FAM228B: variants seen among roughly 807,000 people sequenced by gnomAD.
FAM228B encodes family with sequence similarity 228 member B, also known as protein FAM228B.
A neutral mutation model predicts 42.6 loss-of-function variants in FAM228B; 38 were observed. The observed-to-expected ratio is 0.89, with a 90% CI of 0.69 to 1.17. FAM228B has a LOEUF of 1.17. Among genes scored for constraint, FAM228B ranks in the 50% most tolerant of loss-of-function variants. FAM228B has a pLI of 0.00. For synonymous variants in FAM228B, 109 were observed against 122.3 expected (o/e 0.89, Z 0.72); for missense variants, 344 against 367.3 (o/e 0.94, Z 0.52).
Position 24,077,471 on chromosome 2 carries a change from C to T in FAM228B, c.-290+502C>T. ...TTTATTTCCTCATATCAGCTTTAAA[C>T]GGCTCTGGAGGAAGCACCGGGTTTC... is the stretch of plus-strand genomic sequence containing the variant. On this transcript the variant is annotated intron_variant, in intron 1 of 10. Coordinates refer to the FAM228B transcript ENST00000613899. The surrounding 1 kb of genome is among the most constrained non-coding windows in gnomAD (Gnocchi z 5.5). 9 of 1,298,212 alleles carry T rather than the reference C, an allele frequency of 6.9e-6. No homozygotes were observed. The highest frequency in any genetic ancestry group is 7.2e-6 in the Non-Finnish European group (7 of 971,400). 80.4% of individuals were successfully genotyped at this position (1,298,212 alleles called of 1,614,324 possible). A position where few individuals can be genotyped will look rare whatever the true frequency, so the allele number is the denominator to read the frequency against.
chr2:24,109,972 A>T (rs1665762961), intron 3 of FAM228B, among the ~76,000 whole-genome samples: 2 of 152,238 alleles, frequency 1.3e-5, no homozygotes, highest in Non-Finnish European at 2.9e-5. Context: ...TACCATAAAG[A>T]TACATCCATG....
At chr2:24,152,794 C>A (rs1438579871) in intron 7 of FAM228B, among the ~76,000 whole-genome samples, 5 of 152,142 alleles carry the variant, frequency 3.3e-5, no homozygotes, top group Non-Finnish European at 7.4e-5. Context: ...TTCCCCAGGT[C>A]CCAGGCATGT....
rs1667114484 is a variant in FAM228B at position 24,155,506 on chromosome 2, TATATATATATA to T, written c.687-5999_687-5989del. Among the ~76,000 whole-genome samples, 110 of 49,646 alleles carry T rather than the reference TATATATATATA, an allele frequency of 2.2e-3. 5 individuals carry two copies. The highest frequency in any genetic ancestry group is 7.6e-3 in the African/African-American group (106 of 13,926). The allele number at this position is 49,646 out of a possible 152,430, so 32.6% of individuals were successfully genotyped here. On this transcript the variant is annotated intron_variant, in intron 7 of 10. Transcript: ENST00000615575. ...GCCAGAAGTCATTGAAGACCATGCA[TATATATATATA>T]TATATATATATATATTTTTTTTTTT... is the stretch of plus-strand genomic sequence containing the variant.
At chr2:24,094,120 G>A (rs1232105609) in intron 2 of FAM228B, among the ~76,000 whole-genome samples, 1 of 143,212 alleles carries the variant, frequency 7.0e-6, no homozygotes, top group Non-Finnish European at 1.5e-5. Flanking sequence ...GCTTACTGCA[G>A]TGTTGACCTC....
At chr2:24,155,725 G>A (rs985563374) in intron 7 of FAM228B, among the ~76,000 whole-genome samples, 2 of 151,312 alleles carry the variant, frequency 1.3e-5, no homozygotes, top group Admixed American at 6.6e-5. Context: ...ATTTTTGTTA[G>A]AGACAGGGTT....
chr2:24,136,888 A>T lies in FAM228B; in HGVS notation c.169-1021A>T, dbSNP rs184109681. Among the ~76,000 whole-genome samples, 28 of 152,282 alleles carry T rather than the reference A, an allele frequency of 1.8e-4. No individual in the cohort carries two copies. In the East Asian group the frequency reaches 5.2e-3, roughly 28 times the overall value. On this transcript the variant is annotated intron_variant, in intron 3 of 10. Coordinates refer to ENST00000615575, the MANE Select transcript of FAM228B (RefSeq NM_001145710.2). ...TTTCCAAAACTTTTTCCTTACTCCA[A>T]ACTGACAGTTTGTATTCAATAAGCA...
At chr2:24,130,991 A>G (rs913934651) in intron 2 of FAM228B, among the ~76,000 whole-genome samples, 2 of 152,192 alleles carry the variant, frequency 1.3e-5, no homozygotes, top group Admixed American at 1.3e-4. Context: ...GAAAGGGTCC[A>G]GTTTCAGTTT....
intron 2 of FAM228B, among the ~76,000 whole-genome samples, chr2:24,083,738 C>G (rs1665121192): frequency 6.6e-6 from 1 of 152,134 alleles, no homozygotes; most frequent in African/African-American, 2.4e-5. Context: ...CTGTCAGCTC[C>G]GGGACTCTCA....
intron 2 of FAM228B, among the ~76,000 whole-genome samples, chr2:24,128,668 G>A (rs116049219): frequency 0.028 from 4,208 of 151,524 alleles, 68 homozygotes; most frequent in African/African-American, 0.05. Context: ...ACCATATTGA[G>A]TACTAGATAT....
chr2:24,111,979 A>T (rs1475408683), intron 3 of FAM228B, among the ~76,000 whole-genome samples: 1 of 152,222 alleles, frequency 6.6e-6, no homozygotes. Flanking sequence ...CTGAAATTCC[A>T]CTTCCAGACC....
intron 3 of FAM228B, among the ~76,000 whole-genome samples, chr2:24,103,344 G>A (rs1031734388): frequency 2.3e-4 from 35 of 152,144 alleles, no homozygotes; most frequent in Non-Finnish European, 3.5e-4. Flanking sequence ...GAGAACCTGG[G>A]AAAAAGGAAC....
chr2:24,112,014 G>T (rs1665804530), intron 3 of FAM228B, among the ~76,000 whole-genome samples: 1 of 152,074 alleles, frequency 6.6e-6, no homozygotes, highest in African/African-American at 2.4e-5. Context: ...GAGATACAAA[G>T]AATTATGTAA....
At position 24,137,999 on chromosome 2, in the gene FAM228B, C is replaced by G; in HGVS notation, c.259C>G (p.Pro87Ala). The G allele has an allele frequency of 6.5e-7, 1 of 1,547,814 alleles. No individual in the cohort carries two copies. Among genetic ancestry groups the G allele is most frequent in the South Asian group, 1.2e-5 (1 of 82,794 alleles). Residue 87 changes from proline to alanine, a missense_variant, in exon 4 of 11, where the codon CCT (proline) becomes GCT (alanine). Transcript: ENST00000615575. ...YKRWVDCVADPLQKKIIEKVC... is the reference protein window; with the variant it reads ...YKRWVDCVADALQKKIIEKVC... The stretch of plus-strand genomic sequence containing the variant: ...AAGATGGGTTGACTGTGTGGCAGAT[C>G]CTCTTCAGAAGAAAATTATAGAAAA...
chr2:24,164,355 C>A lies in FAM228B; in HGVS notation c.932+20C>A. On this transcript the variant is annotated intron_variant, in intron 9 of 10. Transcript: ENST00000615575. ...GGATGGGTAAGAGCTGGGGCTGTCC[C>A]ATTTCATCATACATAAGGTGGCAAT... 6.5e-7 allele frequency: 1 copy of A among 1,541,958 alleles called. No homozygotes were observed.
intron 7 of FAM228B, among the ~76,000 whole-genome samples, chr2:24,154,254 A>G (rs1667083925): frequency 6.6e-6 from 1 of 152,256 alleles, no homozygotes; most frequent in Admixed American, 6.5e-5. Flanking sequence ...TGCGGGGAAT[A>G]AAGGGTGTAA....
intron 7 of FAM228B, among the ~76,000 whole-genome samples, chr2:24,155,269 G>A (rs1667108305): frequency 6.6e-6 from 1 of 151,784 alleles, no homozygotes; most frequent in Non-Finnish European, 1.5e-5. Flanking sequence ...CACACTGTTT[G>A]TTTCCACCCT....
upstream of FAM228B, chr2:24,122,660 T>A: frequency 1.5e-6 from 1 of 687,682 alleles, no homozygotes; most frequent in Non-Finnish European, 2.5e-6. Flanking sequence ...AAGTGTACTT[T>A]GAAAAGGTAC....
intron 7 of FAM228B, among the ~76,000 whole-genome samples, chr2:24,154,953 CAG>C (rs373650938): frequency 1.5e-4 from 23 of 152,258 alleles, no homozygotes; most frequent in African/African-American, 5.5e-4. Context: ...TTACATAAGA[CAG>C]AAATAAACCT....
At chr2:24,163,851 G>A (rs1667336956) in intron 8 of FAM228B, among the ~76,000 whole-genome samples, 1 of 152,170 alleles carries the variant, frequency 6.6e-6, no homozygotes, top group Non-Finnish European at 1.5e-5. Flanking sequence ...AATAAGGGAA[G>A]CATCCCAATT....
Sources: allele counts gnomAD v4.1 joint callset (sites outside exome capture counted in the v4.1 genomes callset), GRCh38; gene constraint gnomAD v4.1.1; non-coding constraint Gnocchi (gnomAD v3.1); transcripts MANE v1.5; gene names NCBI Gene and HGNC (gene_info 2026-07-23, HGNC 2026-07-21).